Variants in MBTPS1 observed in about 807,000 individuals in gnomAD.
The protein encoded by MBTPS1 is membrane-bound transcription factor site-1 protease.
Under a neutral mutation model 127.8 loss-of-function variants are expected in MBTPS1, and 94 were observed. That is an observed-to-expected ratio of 0.74 (90% CI 0.62 to 0.87). MBTPS1 has a LOEUF of 0.87. Among genes scored for constraint, MBTPS1 ranks in the 40% least tolerant of loss-of-function variants. The pLI, the probability that MBTPS1 is intolerant of heterozygous loss-of-function variation, is 0.00. For synonymous variants in MBTPS1, 632 were observed against 509.4 expected, an observed-to-expected ratio of 1.24 and a Z score of -3.24; for missense variants, 1,636 against 1,353.2, an observed-to-expected ratio of 1.21 and a Z score of -3.28.
rs747751156 is a variant in MBTPS1, at chr16:84,095,582, C to A, written c.625+20G>T. On this transcript the variant is annotated intron_variant, in intron 4 of 22. Transcript: ENST00000343411. ...CACCTGTATATCCCATAAGCACCTT[C>A]CCTGGGTAATAGCACACACCTGTAT... 6.2e-7 allele frequency: 1 copy of A among 1,611,492 alleles called. No homozygotes were observed. The highest frequency in any genetic ancestry group is 1.1e-5 in the South Asian group (1 of 91,012).
chr16:84,082,159 T>C (rs1384013468), intron 10 of MBTPS1: 20 of 295,458 alleles, frequency 6.8e-5, no homozygotes, highest in Non-Finnish European at 6.2e-6. Context: ...CATATTTTTG[T>C]GATAATTCAA....
Position 84,061,882 on chromosome 16 carries a change from G to A in MBTPS1, c.2573-1069C>T, listed in dbSNP as rs117312177. On this transcript the variant is annotated intron_variant, in intron 19 of 22. Transcript: ENST00000343411. ...AACCTGGACTAGACAAGATCCGTGT[G>A]AGAAAAATGCCATTAAGTACTTTCC... Among the ~76,000 whole-genome samples the A allele has an allele frequency of 1.2e-4, 19 of 152,264 alleles. No individual in the cohort carries two copies. The East Asian group carries it at 3.5e-3, about 28-fold the overall frequency.
At chr16:84,116,517 G>A (rs1367059491) in intron 1 of MBTPS1, among the ~76,000 whole-genome samples, 1 of 152,232 alleles carries the variant, frequency 6.6e-6, no homozygotes, top group South Asian at 2.1e-4. Flanking sequence ...CCAGGCAACG[G>A]AACAAGCTGC....
intron 8 of MBTPS1, among the ~76,000 whole-genome samples, chr16:84,089,776 T>C (rs980147838): frequency 3.3e-5 from 5 of 152,146 alleles, no homozygotes; most frequent in African/African-American, 1.2e-4. Context: ...GGGAAAAGAC[T>C]CAAGATTGGA....
intron 11 of MBTPS1, among the ~76,000 whole-genome samples, chr16:84,079,259 C>G (rs548799783): frequency 4.7e-4 from 71 of 152,348 alleles, no homozygotes; most frequent in Admixed American, 4.6e-3. Flanking sequence ...AACCAGGAGC[C>G]AACTGAACCT....
At chr16:84,077,955 C>T (rs1349820351) in intron 11 of MBTPS1, among the ~76,000 whole-genome samples, 1 of 151,448 alleles carries the variant, frequency 6.6e-6, no homozygotes, top group African/African-American at 2.4e-5. Context: ...AGCTCTTAAA[C>T]ATGGACTTAG....
chr16:84,095,219 A>C (rs925614205), intron 4 of MBTPS1, among the ~76,000 whole-genome samples: 2 of 152,236 alleles, frequency 1.3e-5, no homozygotes, highest in Non-Finnish European at 2.9e-5. Context: ...TTCCCCAAGA[A>C]GTGACAGACT....
chr16:84,068,492 C>A, intron 14 of MBTPS1, 38 bp from the exon 15 acceptor site: 1 of 1,414,018 alleles, frequency 7.1e-7, no homozygotes, highest in Non-Finnish European at 1.0e-6. Context: ...AATGATCGAT[C>A]TTTACTGGCA....
Position 84,101,864 on chromosome 16 carries a change from T to G in MBTPS1, c.-81A>C. The G allele has an allele frequency of 1.4e-6, 2 of 1,385,572 alleles. No homozygotes were observed. The highest frequency in any genetic ancestry group is 2.0e-6 in the Non-Finnish European group (2 of 996,316). The allele number at this position is 1,385,572 out of a possible 1,614,324, so 85.8% of individuals were successfully genotyped here. On this transcript the variant is annotated 5_prime_UTR_variant, in exon 2 of 23. The change abolishes the stop of an existing upstream ORF in the 5' untranslated region. Coordinates refer to ENST00000343411, the MANE Select transcript of MBTPS1 (RefSeq NM_003791.4). The stretch of plus-strand genomic sequence containing the variant: ...TCTTGATTAAAAGTGAATTTTTGTT[T>G]CAGCTAAAAGCTGCAACATTACTAA...
rs1031223972 is a variant in MBTPS1 at position 84,081,723 on chromosome 16, C to G, written c.1448+24G>C. 6.0e-6 allele frequency: 8 copies of G among 1,339,486 alleles called. No individual in the cohort carries two copies. The African/African-American group carries it at 7.5e-5, about 13-fold the overall frequency. 83.0% of individuals were successfully genotyped at this position (1,339,486 alleles called of 1,614,324 possible). A position where few individuals can be genotyped will look rare whatever the true frequency, so the allele number is the denominator to read the frequency against. ...AGAGCCCAGTGAAGGAGAGAAAGAC[C>G]CATCGGCAGGGCGGTGCACTGACCT... On this transcript the variant is annotated intron_variant, in intron 11 of 22. Coordinates refer to ENST00000343411, the MANE Select transcript of MBTPS1 (RefSeq NM_003791.4).
At position 84,074,579 on chromosome 16, in the gene MBTPS1, G is replaced by A. The variant is rs200593056; in HGVS notation, c.1593+18C>T. 1.2e-3 allele frequency: 1,976 copies of A among 1,611,226 alleles called. 1 individual carries two copies. The highest frequency in any genetic ancestry group is 1.6e-3 in the Non-Finnish European group (1,845 of 1,178,172). On this transcript the variant is annotated intron_variant, in intron 12 of 22. Coordinates refer to ENST00000343411, the MANE Select transcript of MBTPS1 (RefSeq NM_003791.4). The stretch of plus-strand genomic sequence containing the variant: ...AGTTCACCATCAAGTCAGAGACCAA[G>A]TCAGAGAGAAGTTTCACCTTATCTA...
At chr16:84,055,345 C>T (rs922082332) in intron 22 of MBTPS1, among the ~76,000 whole-genome samples, 25 of 152,180 alleles carry the variant, frequency 1.6e-4, no homozygotes, top group African/African-American at 6.0e-4. Flanking sequence ...TCCTGGAACC[C>T]AGAGAAACTC....
At chr16:84,072,411 C>A (rs2085783647) in intron 12 of MBTPS1, among the ~76,000 whole-genome samples, 1 of 152,164 alleles carries the variant, frequency 6.6e-6, no homozygotes, top group African/African-American at 2.4e-5. Flanking sequence ...TAAAACCCAC[C>A]AAACTGTGCG....
chr16:84,075,820 C>A (rs1015439732), intron 11 of MBTPS1, among the ~76,000 whole-genome samples: 2 of 152,156 alleles, frequency 1.3e-5, no homozygotes, highest in South Asian at 2.1e-4. Context: ...TCAACAGATA[C>A]CACCTTCACA....
At chr16:84,074,361 T>C (rs891593569) in intron 12 of MBTPS1, among the ~76,000 whole-genome samples, 5 of 152,082 alleles carry the variant, frequency 3.3e-5, no homozygotes, top group African/African-American at 1.2e-4. Flanking sequence ...CAGCCTCCTG[T>C]GTATCTGGGA....
chr16:84,101,566 G>C, intron 2 of MBTPS1, 55 bp downstream of exon 2: 1 of 1,440,852 alleles, frequency 6.9e-7, no homozygotes, highest in African/African-American at 1.4e-5. Context: ...TTTATATTAA[G>C]TAAGCTTTAA....
At chr16:84,065,902 G>T in intron 17 of MBTPS1, 135 bp from the exon 18 acceptor site, 1 of 529,030 alleles carries the variant, frequency 1.9e-6, no homozygotes, top group South Asian at 2.8e-5. Context: ...TGAGGGAGGA[G>T]CTGCTATTGC....
intron 3 of MBTPS1, among the ~76,000 whole-genome samples, chr16:84,098,736 A>C (rs1416108848): frequency 6.6e-6 from 1 of 152,252 alleles, no homozygotes; most frequent in East Asian, 1.9e-4. Context: ...TTGAAGTCTG[A>C]AGGCTTTGAG....
intron 11 of MBTPS1, among the ~76,000 whole-genome samples, chr16:84,077,824 G>C (rs1276018650): frequency 1.3e-5 from 2 of 151,842 alleles, no homozygotes; most frequent in African/African-American, 2.4e-5. Context: ...AGAAAAATCC[G>C]CAACATGCAT....
Sources: allele counts gnomAD v4.1 joint callset (sites outside exome capture counted in the v4.1 genomes callset), GRCh38; gene constraint gnomAD v4.1.1; transcripts MANE v1.5; gene names NCBI Gene and HGNC (gene_info 2026-07-23, HGNC 2026-07-21).